ELOVL6: variants seen among roughly 807,000 people sequenced by gnomAD.
ELOVL6 encodes ELOVL fatty acid elongase 6, also known as very long chain fatty acid elongase 6.
A neutral mutation model predicts 31.7 loss-of-function variants in ELOVL6; 8 were observed. The observed-to-expected ratio is 0.25, with a 90% confidence interval of 0.15 to 0.45. The LOEUF (loss-of-function observed/expected upper bound fraction) is 0.45, where lower values mean the gene tolerates loss of function less well. ELOVL6 is among the 20% of genes least tolerant of loss of function. The pLI, the probability that ELOVL6 is intolerant of heterozygous loss-of-function variation, is 1.00. For synonymous variants in ELOVL6, 101 were observed against 117.7 expected (o/e 0.86, Z 0.92); for missense variants, 126 against 326.4 (o/e 0.39, Z 4.73).
At chr4:110,171,192 G>A (rs1244535886) in intron 1 of ELOVL6, among the ~76,000 whole-genome samples, 1 of 152,146 alleles carries the variant, frequency 6.6e-6, no homozygotes, top group Non-Finnish European at 1.5e-5. Context: ...CAGATCACCG[G>A]AGGTCAGTTT....
intron 1 of ELOVL6, among the ~76,000 whole-genome samples, chr4:110,122,929 C>T (rs1020926009): frequency 1.4e-4 from 21 of 152,150 alleles, no homozygotes; most frequent in African/African-American, 4.8e-4. Context: ...GTTGCCTATC[C>T]CTTCCTTCAT....
rs535167459 is a variant in ELOVL6 at position 110,174,733 on chromosome 4, T to C, written c.89+23514A>G. On this transcript the variant is annotated intron_variant, in intron 1 of 3. Transcript: ENST00000302274. ...AAATTCTACAACTATAGAATACATG[T>C]AAAGCACAAGAAATTGTCACACTAT... Among the ~76,000 whole-genome samples, 4 of 152,270 alleles carry C rather than the reference T, an allele frequency of 2.6e-5. No individual in the cohort carries two copies. In the South Asian group the frequency reaches 8.3e-4, roughly 32 times the overall value.
intron 1 of ELOVL6, among the ~76,000 whole-genome samples, chr4:110,186,819 AAAAATATAT>A (rs1759458503): frequency 9.4e-6 from 1 of 106,832 alleles, no homozygotes; most frequent in Non-Finnish European, 2.0e-5. Flanking sequence ...AAAAAAAAAA[AAAAATATAT>A]ATATATATAT....
In ELOVL6 at chr4:110,187,943, G is replaced by A. The variant is rs75733197; in HGVS notation, c.89+10304C>T. Among the ~76,000 whole-genome samples the A allele has an allele frequency of 8.3e-3, 1,257 of 152,224 alleles. 13 individuals carry two copies. Among genetic ancestry groups the A allele is most frequent in the African/African-American group, 0.028 (1,164 of 41,520 alleles). On this transcript the variant is annotated intron_variant, in intron 1 of 3. Transcript: ENST00000302274. ...ATGTTTTCATTTCATTTCTTTTCCTGTAACTATTTCTTACCTTAGAATCAG... is the reference window on the plus strand; with the variant it reads ...ATGTTTTCATTTCATTTCTTTTCCTATAACTATTTCTTACCTTAGAATCAG...
intron 1 of ELOVL6, among the ~76,000 whole-genome samples, chr4:110,181,402 C>T (rs990933637): frequency 3.3e-5 from 5 of 151,730 alleles, no homozygotes; most frequent in Non-Finnish European, 4.4e-5. Flanking sequence ...AAACCAAGAT[C>T]GCACCTCTGC....
intron 1 of ELOVL6, among the ~76,000 whole-genome samples, chr4:110,143,127 C>T (rs947408516): frequency 6.6e-6 from 1 of 152,072 alleles, no homozygotes; most frequent in Non-Finnish European, 1.5e-5. Context: ...CTCCTGATTC[C>T]AGGATATGCC....
At chr4:110,080,787 A>T (rs1207674947) in intron 2 of ELOVL6, among the ~76,000 whole-genome samples, 5 of 152,158 alleles carry the variant, frequency 3.3e-5, no homozygotes, top group Admixed American at 2.0e-4. Flanking sequence ...AATTAGGAAA[A>T]GAGGAAGTCA....
At chr4:110,066,618 G>A (rs553982184) in intron 2 of ELOVL6, among the ~76,000 whole-genome samples, 10 of 121,474 alleles carry the variant, frequency 8.2e-5, no homozygotes, top group Non-Finnish European at 3.2e-5. Context: ...CAGCCTGGGC[G>A]ACAGAGACTC....
At chr4:110,123,491 T>A (rs1428613079) in intron 1 of ELOVL6, among the ~76,000 whole-genome samples, 2 of 151,752 alleles carry the variant, frequency 1.3e-5, no homozygotes, top group Non-Finnish European at 1.5e-5. Context: ...AGAAAGACAA[T>A]AAATAAGAAA....
At chr4:110,120,299 T>G (rs1223352876) in intron 1 of ELOVL6, among the ~76,000 whole-genome samples, 3 of 151,252 alleles carry the variant, frequency 2.0e-5, no homozygotes, top group African/African-American at 7.3e-5. Context: ...AGTAACAATA[T>G]TTAGCTATGT....
intron 2 of ELOVL6, among the ~76,000 whole-genome samples, chr4:110,060,944 A>C (rs567200610): frequency 6.6e-6 from 1 of 152,356 alleles, no homozygotes; most frequent in Admixed American, 6.5e-5. Flanking sequence ...GAAAGCACGC[A>C]TCTGCCAACT....
intron 1 of ELOVL6, among the ~76,000 whole-genome samples, chr4:110,161,747 C>T (rs1024907505): frequency 1.2e-4 from 19 of 152,094 alleles, no homozygotes; most frequent in African/African-American, 4.3e-4. Flanking sequence ...GCTGTGAGTT[C>T]CATGTTAAGG....
intron 1 of ELOVL6, 48 bp from the exon 2 acceptor site, chr4:110,105,676 A>G: frequency 6.4e-7 from 1 of 1,568,736 alleles, no homozygotes. Context: ...GTCATTAGGA[A>G]ACACCAAATT....
intron 1 of ELOVL6, among the ~76,000 whole-genome samples, chr4:110,165,438 T>A (rs541532678): frequency 6.6e-6 from 1 of 152,238 alleles, no homozygotes. Context: ...AAACCCCACA[T>A]AAACCTTAGT....
intron 1 of ELOVL6, among the ~76,000 whole-genome samples, chr4:110,122,685 G>A (rs181914757): frequency 6.6e-6 from 1 of 152,282 alleles, no homozygotes; most frequent in Admixed American, 6.5e-5. Flanking sequence ...GCCCCAAAAT[G>A]CTTTGACATG....
At position 110,046,355 on chromosome 4, in the gene ELOVL6, C is replaced by T. The variant is rs949079550; in HGVS notation, c.*4983G>A. ...TACTACAATGCAGTGTTGGTTTGGACGTCTAGTGAAATATATTTTACTGTG... is the reference window on the plus strand; with the variant it reads ...TACTACAATGCAGTGTTGGTTTGGATGTCTAGTGAAATATATTTTACTGTG... On this transcript the variant is annotated 3_prime_UTR_variant, in exon 4 of 4. Coordinates refer to ENST00000302274, the MANE Select transcript of ELOVL6 (RefSeq NM_024090.3). 21 of 152,246 alleles carry T rather than the reference C, an allele frequency of 1.4e-4. No individual in the cohort carries two copies. The highest frequency in any genetic ancestry group is 4.3e-4 in the African/African-American group (18 of 41,556). 9.4% of individuals were successfully genotyped at this position (152,246 alleles called of 1,614,324 possible).
chr4:110,142,576 T>C (rs1275611754), intron 1 of ELOVL6, among the ~76,000 whole-genome samples: 1 of 152,198 alleles, frequency 6.6e-6, no homozygotes, highest in Non-Finnish European at 1.5e-5. Flanking sequence ...ATGAATGACT[T>C]AATGGAATAA....
At chr4:110,120,798 C>CTTTTT (rs1008949209) in intron 1 of ELOVL6, among the ~76,000 whole-genome samples, 4 of 117,868 alleles carry the variant, frequency 3.4e-5, no homozygotes, top group East Asian at 2.5e-4. Flanking sequence ...TTTTTCTTTT[C>CTTTTT]TTTTTTTTTT....
chr4:110,124,906 T>C (rs1232677990), intron 1 of ELOVL6, among the ~76,000 whole-genome samples: 1 of 152,158 alleles, frequency 6.6e-6, no homozygotes, highest in South Asian at 2.1e-4. Context: ...AAAAGTATAA[T>C]GATTTCTGAC....
Sources: gnomAD v4.1 joint callset for allele counts (sites outside exome capture counted in the v4.1 genomes callset) on GRCh38, gnomAD v4.1.1 for gene constraint, MANE v1.5 for transcripts, NCBI Gene and HGNC (gene_info 2026-07-23, HGNC 2026-07-21) for gene names.